Variants in SLC3A1 observed in about 807,000 individuals in gnomAD.
SLC3A1 encodes the protein solute carrier family 3 member 1.
In SLC3A1, 78 loss-of-function variants were observed where a neutral mutation model predicts 60.3. The ratio of observed to expected loss-of-function variants is 1.29; its 90% CI spans 1.08 to 1.56. The LOEUF (loss-of-function observed/expected upper bound fraction) is 1.56, where lower values mean the gene tolerates loss of function less well. Among genes scored for constraint, SLC3A1 ranks in the 40% most tolerant of loss-of-function variants. The probability of loss-of-function intolerance (pLI) is 0.00; values close to 1 mark genes in which losing one functional copy is unlikely to be tolerated. For missense variants in SLC3A1, 1,172 were observed against 858.9 expected (o/e 1.36, Z -4.56); for synonymous variants, 392 against 307.9 (o/e 1.27, Z -2.86).
intron 7 of SLC3A1, among the ~76,000 whole-genome samples, chr2:44,305,616 C>T (rs1469646808): frequency 1.3e-5 from 2 of 151,644 alleles, no homozygotes; most frequent in African/African-American, 2.4e-5. Flanking sequence ...TTAGTACAGA[C>T]GGGGTTTTAC....
At chr2:44,281,991 C>T (rs1671509987) in intron 3 of SLC3A1, among the ~76,000 whole-genome samples, 1 of 152,150 alleles carries the variant, frequency 6.6e-6, no homozygotes, top group African/African-American at 2.4e-5. Context: ...CTTGCCTCAG[C>T]CTTACCAGTA....
intron 9 of SLC3A1, among the ~76,000 whole-genome samples, chr2:44,316,682 T>TGA: frequency 6.6e-6 from 1 of 152,280 alleles, no homozygotes; most frequent in African/African-American, 2.4e-5. Flanking sequence ...ATAGATTGCC[T>TGA]GAGAAAAGGG....
intron 3 of SLC3A1, chr2:44,285,041 C>T (rs1671582257): frequency 6.6e-6 from 1 of 152,018 alleles, no homozygotes; most frequent in Non-Finnish European, 1.5e-5. Flanking sequence ...TGGTTTCTTT[C>T]CCCTACTTTC....
At chr2:44,304,377 G>A (rs1356446222) in intron 7 of SLC3A1, 39 bp downstream of exon 7, 1 of 1,500,422 alleles carries the variant, frequency 6.7e-7, no homozygotes, top group Admixed American at 1.7e-5. Context: ...ATGTGCTGCT[G>A]TTGCCTTTGC....
At chr2:44,313,788 T>G in intron 8 of SLC3A1, 47 bp from the exon 9 acceptor site, 2 of 1,395,226 alleles carry the variant, frequency 1.4e-6, no homozygotes, top group Non-Finnish European at 2.0e-6. Flanking sequence ...AGCACATTTC[T>G]TCTAATAACC....
Position 44,299,955 on chromosome 2 carries a change from G to A in SLC3A1, c.892-16G>A. On this transcript the variant is annotated splice_polypyrimidine_tract_variant and intron_variant, in intron 4 of 9. Transcript: ENST00000260649. ...CGTAGTTAATGTAACCAAGCATTTT[G>A]CTTCTTCATCTTTAGGAAATTTTAC... The A allele has an allele frequency of 6.2e-7, 1 of 1,613,658 alleles. No homozygotes were observed. The highest frequency in any genetic ancestry group is 8.5e-7 in the Non-Finnish European group (1 of 1,179,676).
intron 4 of SLC3A1, among the ~76,000 whole-genome samples, chr2:44,286,388 T>A (rs1029934250): frequency 6.6e-6 from 1 of 152,224 alleles, no homozygotes; most frequent in Non-Finnish European, 1.5e-5. Context: ...CTCTCAGACA[T>A]GTCTGTGACT....
rs1165742241 is a variant in SLC3A1 at position 44,321,319 on chromosome 2, T to G, written c.*680T>G. The stretch of plus-strand genomic sequence containing the variant: ...AATTGGAAGTAAGACTATGAAATAT[T>G]TCAGTGTGTTTCCAATTCCCAGTTG... On this transcript the variant is annotated 3_prime_UTR_variant, in exon 10 of 10. Transcript: ENST00000260649. The G allele has an allele frequency of 2.7e-6, 4 of 1,492,074 alleles. No homozygotes were observed. Among genetic ancestry groups the G allele is most frequent in the South Asian group, 1.2e-5 (1 of 86,448 alleles). 92.4% of individuals were successfully genotyped at this position (1,492,074 alleles called of 1,614,324 possible). A position where few individuals can be genotyped will look rare whatever the true frequency, so the allele number is the denominator to read the frequency against.
chr2:44,297,971 C>T (rs1671896412), intron 4 of SLC3A1, among the ~76,000 whole-genome samples: 1 of 152,172 alleles, frequency 6.6e-6, no homozygotes, highest in South Asian at 2.1e-4. Context: ...GCCAAATATT[C>T]ATCGTATGGA....
intron 1 of SLC3A1, among the ~76,000 whole-genome samples, chr2:44,276,520 A>G (rs183030052): frequency 2.6e-5 from 4 of 152,306 alleles, no homozygotes; most frequent in Admixed American, 2.6e-4. Context: ...ATTCGTCATT[A>G]CTTGAATTAA....
At position 44,304,329 on chromosome 2, in the gene SLC3A1, T is replaced by A; in HGVS notation, c.1323T>A (p.Pro441=). Residue 441 remains proline (P), a synonymous_variant, in exon 7 of 10, where the codon CCT becomes CCA. Coordinates refer to ENST00000260649, the MANE Select transcript of SLC3A1 (RefSeq NM_000341.4). ...WMENMPEGKW[P]NWMIGGPDSS... is the part of the protein sequence containing the mutation. ...AAAACATGCCAGAAGGAAAATGGCC[T>A]AACTGGATGGTAAGTCCTCATGACA... 4 of 1,613,356 alleles carry A rather than the reference T, an allele frequency of 2.5e-6. No individual in the cohort carries two copies. Among genetic ancestry groups the A allele is most frequent in the Non-Finnish European group, 3.4e-6 (4 of 1,179,226 alleles).
intron 3 of SLC3A1, among the ~76,000 whole-genome samples, chr2:44,283,826 C>T (rs1671551956): frequency 6.8e-6 from 1 of 148,062 alleles, no homozygotes; most frequent in Non-Finnish European, 1.5e-5. Context: ...TTTTAGTTTC[C>T]TCTATTTTGA....
chr2:44,301,093 A>G lies in SLC3A1; in HGVS notation c.1102A>G (p.Met368Val), dbSNP rs779680922. ...CATTGTCCGCAGCTTCCGGCAGACC[A>G]TGGACCAATACAGCACGGAGCCCGG... The part of the protein sequence containing the change: ...HDIVRSFRQT[M>V]DQYSTEPGRY... The change falls in exon 6 of 10, where the codon ATG (methionine) becomes GTG (valine). Residue 368 changes from methionine to valine, a missense_variant. Physicochemically the swap from Met to Val is conservative, Grantham distance 21. Coordinates refer to ENST00000260649, the MANE Select transcript of SLC3A1 (RefSeq NM_000341.4). The G allele has an allele frequency of 1.9e-6, 3 of 1,614,068 alleles. No individual in the cohort carries two copies. Among genetic ancestry groups the G allele is most frequent in the South Asian group, 2.2e-5 (2 of 91,086 alleles).
chr2:44,312,801 A>G, intron 8 of SLC3A1, 48 bp downstream of exon 8: 3 of 1,526,974 alleles, frequency 2.0e-6, no homozygotes, highest in Non-Finnish European at 2.7e-6. Context: ...AAAACCAAGT[A>G]TTCATTTTTT....
chr2:44,312,398 C>T (rs1672320411), intron 7 of SLC3A1, among the ~76,000 whole-genome samples, 188 bp from the exon 8 acceptor site: 1 of 152,184 alleles, frequency 6.6e-6, no homozygotes, highest in African/African-American at 2.4e-5. Context: ...TCTTGCTCAT[C>T]AGTGGCCAAG....
chr2:44,290,741 G>T (rs1671724199), intron 4 of SLC3A1, among the ~76,000 whole-genome samples: 1 of 149,786 alleles, frequency 6.7e-6, no homozygotes, highest in African/African-American at 2.5e-5. Flanking sequence ...AATTGTTTTG[G>T]AATTGGTTCT....
intron 6 of SLC3A1, among the ~76,000 whole-genome samples, chr2:44,301,761 C>G (rs891092587): frequency 7.3e-6 from 1 of 136,642 alleles, no homozygotes; most frequent in African/African-American, 2.7e-5. Flanking sequence ...AAAAAAGAAC[C>G]AAAAAAACAA....
chr2:44,316,504 C>A (rs904475950), intron 9 of SLC3A1: 1 of 152,128 alleles, frequency 6.6e-6, no homozygotes, highest in Non-Finnish European at 1.5e-5. Flanking sequence ...AAGATAGATA[C>A]AGAATTCCGT....
chr2:44,281,159 C>CTTTT (rs552579658), intron 2 of SLC3A1, among the ~76,000 whole-genome samples: 1 of 112,590 alleles, frequency 8.9e-6, no homozygotes, highest in Non-Finnish European at 1.7e-5. Flanking sequence ...CCTTTCCCTG[C>CTTTT]TTTTTTTTTT....
Sources: gnomAD v4.1 joint callset for allele counts (sites outside exome capture counted in the v4.1 genomes callset) on GRCh38, gnomAD v4.1.1 for gene constraint, MANE v1.5 for transcripts, NCBI Gene and HGNC (gene_info 2026-07-23, HGNC 2026-07-21) for gene names.